SNX9: variants seen among roughly 807,000 people sequenced by gnomAD.
SNX9 encodes the protein sorting nexin-9.
SNX9 carries 44 observed loss-of-function variants against 89.4 expected under a neutral mutation model. That is an observed-to-expected ratio of 0.49 (90% CI 0.39 to 0.63). The LOEUF (loss-of-function observed/expected upper bound fraction) is 0.63. Ranked by LOEUF, SNX9 falls within the 30% of genes least tolerant of loss-of-function variation. The pLI is 0.00. For missense variants in SNX9, 578 were observed against 736.1 expected (o/e 0.79, Z 2.49); for synonymous variants, 236 against 247.8 (o/e 0.95, Z 0.45).
chr6:157,880,097 C>T (rs928638544), intron 4 of SNX9, among the ~76,000 whole-genome samples: 3 of 152,184 alleles, frequency 2.0e-5, no homozygotes, highest in Non-Finnish European at 2.9e-5. Flanking sequence ...TTCTGTTTCA[C>T]ACCCCGCCAG....
At chr6:157,883,662 A>T (rs963420439) in intron 4 of SNX9, among the ~76,000 whole-genome samples, 1 of 152,180 alleles carries the variant, frequency 6.6e-6, no homozygotes, top group Non-Finnish European at 1.5e-5. Context: ...ATGATTCTCC[A>T]AATATGTCCC....
intron 1 of SNX9, 123 bp from the exon 2 acceptor site, chr6:157,867,424 A>G (rs1403659882): frequency 2.8e-6 from 2 of 704,138 alleles, no homozygotes; most frequent in Non-Finnish European, 2.4e-6. Context: ...CCTTTCTTCC[A>G]AAACAGCCAC....
At chr6:157,854,970 C>A (rs981004519) in intron 1 of SNX9, among the ~76,000 whole-genome samples, 54 of 145,346 alleles carry the variant, frequency 3.7e-4, no homozygotes, top group South Asian at 1.7e-3. Context: ...AAAAAAAAAA[C>A]CCCACAACAC....
At chr6:157,841,146 G>A (rs1327822680) in intron 1 of SNX9, among the ~76,000 whole-genome samples, 1 of 152,110 alleles carries the variant, frequency 6.6e-6, no homozygotes, top group Non-Finnish European at 1.5e-5. Context: ...AAGAAGAAAT[G>A]GCATCATCTT....
chr6:157,932,741 C>T (rs200308401), intron 13 of SNX9, among the ~76,000 whole-genome samples: 2 of 151,720 alleles, frequency 1.3e-5, no homozygotes, highest in Admixed American at 6.6e-5. Flanking sequence ...GTGGTGCATA[C>T]AGGTAGTTGC....
At chr6:157,942,401 G>T (rs1784052873) in intron 17 of SNX9, among the ~76,000 whole-genome samples, 3 of 152,218 alleles carry the variant, frequency 2.0e-5, no homozygotes. Flanking sequence ...GCAGGGTGTG[G>T]CCAGGGCGAC....
intron 1 of SNX9, among the ~76,000 whole-genome samples, chr6:157,827,983 A>T (rs1238933088): frequency 6.6e-6 from 1 of 152,222 alleles, no homozygotes; most frequent in Admixed American, 6.5e-5. Flanking sequence ...GAATAAATGA[A>T]TTACTTAAGA....
At chr6:157,915,539 A>T (rs1022582403) in intron 9 of SNX9, among the ~76,000 whole-genome samples, 1 of 148,748 alleles carries the variant, frequency 6.7e-6, no homozygotes, top group Non-Finnish European at 1.5e-5. Context: ...TAATCTCAGC[A>T]CTTTGGTAGG....
In SNX9 at chr6:157,823,526, G is replaced by A; in HGVS notation, c.12+80G>A. Reference sequence around the variant, plus strand: ...AGAGGGTCGGGGCCGGGGCCGCGGGGAGGGTCGGGGCCAGGGGTGGTCGAG... The same window carrying A: ...AGAGGGTCGGGGCCGGGGCCGCGGGAAGGGTCGGGGCCAGGGGTGGTCGAG... On this transcript the variant is annotated intron_variant, in intron 1 of 17. Coordinates refer to ENST00000392185, the MANE Select transcript of SNX9 (RefSeq NM_016224.5). The surrounding 1 kb of genome is among the most constrained non-coding windows in gnomAD (Gnocchi z 4.6). 8.9e-7 allele frequency: 1 copy of A among 1,124,312 alleles called. No homozygotes were observed. The highest frequency in any genetic ancestry group is 1.1e-6 in the Non-Finnish European group (1 of 910,592). The allele number at this position is 1,124,312 out of a possible 1,614,324, so 69.6% of individuals were successfully genotyped here.
chr6:157,917,972 A>G (rs1783509034), intron 9 of SNX9, among the ~76,000 whole-genome samples: 1 of 152,108 alleles, frequency 6.6e-6, no homozygotes, highest in Non-Finnish European at 1.5e-5. Flanking sequence ...TTATGTTCAG[A>G]GAACATACTT....
intron 4 of SNX9, among the ~76,000 whole-genome samples, chr6:157,893,279 G>T (rs1426169284): frequency 6.6e-6 from 1 of 152,172 alleles, no homozygotes; most frequent in Admixed American, 6.5e-5. Flanking sequence ...ACCTTGTAAA[G>T]CTGTGTGTTT....
At chr6:157,929,687 AG>A (rs1783769468) in intron 12 of SNX9, among the ~76,000 whole-genome samples, 1 of 152,242 alleles carries the variant, frequency 6.6e-6, no homozygotes. Flanking sequence ...AGCATAGGAA[AG>A]GGATCTGTTC....
At chr6:157,939,831 T>C (rs963560194) in intron 16 of SNX9, among the ~76,000 whole-genome samples, 6 of 152,062 alleles carry the variant, frequency 3.9e-5, no homozygotes, top group Admixed American at 1.3e-4. Context: ...TGTAGAACAG[T>C]TTGCATGTCA....
chr6:157,930,473 T>G (rs1783789608), intron 12 of SNX9, among the ~76,000 whole-genome samples: 2 of 152,188 alleles, frequency 1.3e-5, no homozygotes. Flanking sequence ...CCCCAGGCCA[T>G]GGACTGGTAC....
chr6:157,847,131 C>T (rs1017417487), intron 1 of SNX9, among the ~76,000 whole-genome samples: 9 of 152,122 alleles, frequency 5.9e-5, no homozygotes, highest in Non-Finnish European at 1.0e-4. Flanking sequence ...GAGACAGGGT[C>T]TGGCTCTGTC....
At chr6:157,844,785 G>A (rs1414647224) in intron 1 of SNX9, among the ~76,000 whole-genome samples, 1 of 151,928 alleles carries the variant, frequency 6.6e-6, no homozygotes. Context: ...AGTAGAGACA[G>A]CATTTCACCG....
intron 10 of SNX9, among the ~76,000 whole-genome samples, chr6:157,923,996 G>A (rs1583240110): frequency 6.6e-6 from 1 of 152,108 alleles, no homozygotes; most frequent in South Asian, 2.1e-4. Flanking sequence ...TCAAGAGTTC[G>A]AGACCAGCCA....
chr6:157,934,936 A>T (rs1050843941), intron 13 of SNX9, among the ~76,000 whole-genome samples: 1 of 152,242 alleles, frequency 6.6e-6, no homozygotes, highest in East Asian at 1.9e-4. Flanking sequence ...AAAGACTTAG[A>T]TACCAATTGG....
Position 157,909,778 on chromosome 6 carries a change from G to C in SNX9, c.819G>C (p.Gln273His). ...GTCTAAAGAGCTACATCGAATATCA[G>C]CTAACACCTACTGTAAGTATCCACG... ...MYGLKSYIEY[Q>H]LTPTNTNRSV... is the part of the protein sequence containing the mutation. The change falls in exon 8 of 18, where the codon CAG becomes CAC. Residue 273 changes from glutamine (Q) to histidine (H), a missense_variant. Physicochemically the swap from Gln to His is conservative, Grantham distance 24 (BLOSUM62 0). Around this residue, in one of 2 missense-constraint regions of SNX9, gnomAD observed 348 missense variants for 491.4 expected, o/e 0.71. Coordinates refer to ENST00000392185, the MANE Select transcript of SNX9 (RefSeq NM_016224.5). 1.9e-6 allele frequency: 3 copies of C among 1,614,118 alleles called. No individual in the cohort carries two copies. The highest frequency in any genetic ancestry group is 2.2e-5 in the East Asian group (1 of 44,884).
Sources: allele counts gnomAD v4.1 joint callset (sites outside exome capture counted in the v4.1 genomes callset), GRCh38; gene constraint gnomAD v4.1.1; regional missense constraint gnomAD v4.1.1; non-coding constraint Gnocchi (gnomAD v3.1); transcripts MANE v1.5; gene names NCBI Gene and HGNC (gene_info 2026-07-23, HGNC 2026-07-21).